The following NAP1L1 variants were observed in gnomAD, a reference collection of about 807,000 sequenced individuals.
The protein encoded by NAP1L1 is nucleosome assembly protein 1-like 1.
In NAP1L1, 9 loss-of-function variants were observed where a neutral mutation model predicts 58.9. The observed-to-expected ratio is 0.15, with a 90% CI of 0.09 to 0.27. The LOEUF (loss-of-function observed/expected upper bound fraction) is 0.27, where lower values mean the gene tolerates loss of function less well. Ranked by LOEUF, NAP1L1 falls within the 10% of genes least tolerant of loss-of-function variation. The pLI, the probability that NAP1L1 is intolerant of heterozygous loss-of-function variation, is 1.00. For synonymous variants in NAP1L1, 130 were observed against 138.3 expected (o/e 0.94, Z 0.42); for missense variants, 302 against 458.8 (o/e 0.66, Z 3.12).
chr12:76,076,571 TA>T (rs1950187402), intron 1 of NAP1L1, among the ~76,000 whole-genome samples: 1 of 125,676 alleles, frequency 8.0e-6, no homozygotes, highest in African/African-American at 3.0e-5. Flanking sequence ...TATATATATA[TA>T]TATATATATA....
At chr12:76,049,360 T>C (rs1367430805) in intron 13 of NAP1L1, 110 bp from the exon 14 acceptor site, 10 of 1,584,044 alleles carry the variant, frequency 6.3e-6, no homozygotes, top group Non-Finnish European at 8.6e-6. Flanking sequence ...CAGATTTTCA[T>C]GATTACAGAC....
intron 1 of NAP1L1, among the ~76,000 whole-genome samples, chr12:76,081,097 A>C (rs1950389195): frequency 6.6e-6 from 1 of 151,634 alleles, no homozygotes; most frequent in South Asian, 2.1e-4. Flanking sequence ...TAAATAAATT[A>C]CTCAGTTTCA....
chr12:76,064,325 A>G (rs1315844926), intron 4 of NAP1L1, among the ~76,000 whole-genome samples: 1 of 152,246 alleles, frequency 6.6e-6, no homozygotes, highest in African/African-American at 2.4e-5. Context: ...AAATGACAGA[A>G]AAAACTGTCA....
At chr12:76,070,736 A>G (rs966913044) in intron 2 of NAP1L1, among the ~76,000 whole-genome samples, 3 of 152,216 alleles carry the variant, frequency 2.0e-5, no homozygotes, top group African/African-American at 7.2e-5. Context: ...CCTCCCTACC[A>G]AAATCCTGGG....
chr12:76,073,170 C>T (rs1018107647), intron 2 of NAP1L1, among the ~76,000 whole-genome samples: 5 of 151,748 alleles, frequency 3.3e-5, no homozygotes, highest in Non-Finnish European at 7.4e-5. Context: ...TTTTTTAATG[C>T]TGAAGATAAA....
intron 3 of NAP1L1, 120 bp downstream of exon 3, chr12:76,068,789 G>T: frequency 1.2e-5 from 7 of 565,350 alleles, no homozygotes; most frequent in South Asian, 3.7e-5. Flanking sequence ...CTAGAAGTAT[G>T]GACCAGTAGA....
At chr12:76,063,318 C>A (rs1228972551) in intron 4 of NAP1L1, among the ~76,000 whole-genome samples, 1 of 151,998 alleles carries the variant, frequency 6.6e-6, no homozygotes, top group Non-Finnish European at 1.5e-5. Context: ...AGGTTATAAG[C>A]CACTACCATA....
chr12:76,057,374 C>T (rs1324537837), intron 6 of NAP1L1: 1 of 417,304 alleles, frequency 2.4e-6, no homozygotes. Context: ...AGTTCATCTG[C>T]ATTATCATTC....
chr12:76,060,219 T>G lies in NAP1L1; in HGVS notation c.267A>C (p.Ala89=). 1 of 1,613,890 alleles carries G rather than the reference T, an allele frequency of 6.2e-7. No homozygotes were observed. The highest frequency in any genetic ancestry group is 1.1e-5 in the South Asian group (1 of 91,076). Residue 89 remains alanine, a synonymous_variant, in exon 5 of 15, where the codon GCA becomes GCC. Transcript: ENST00000618691. ...CCTCATAGAATTTGGCTTCTATCTG[T>G]GCACATTTAACTTGCAGGTTTTTGA... ...NALKNLQVKC[A]QIEAKFYEEV... is the part of the protein sequence containing the mutation.
rs2091390737 is a variant in NAP1L1, at chr12:76,037,551, C to T, written c.*10878G>A. On this transcript the variant is annotated 3_prime_UTR_variant, in exon 15 of 15. Coordinates refer to ENST00000618691, the MANE Select transcript of NAP1L1 (RefSeq NM_004537.7). ...ATGACAGAAAACTTCTATTCGCCTC[C>T]AATTGTATACATTCCAATTCCTTAC... 1 of 152,178 alleles carries T rather than the reference C, an allele frequency of 6.6e-6. No homozygotes were observed. Among genetic ancestry groups the T allele is most frequent in the Admixed American group, 6.5e-5 (1 of 15,282 alleles). The allele number at this position is 152,178 out of a possible 1,614,324, so 9.4% of individuals were successfully genotyped here.
chr12:76,083,473 CA>C (rs34033928), intron 1 of NAP1L1, among the ~76,000 whole-genome samples: 28,195 of 87,482 alleles, frequency 0.32, 1,440 homozygotes, highest in East Asian at 0.37. Context: ...CTTTTTTTTC[CA>C]AAAAAAAAAA....
At chr12:76,067,494 C>A (rs377483941) in intron 3 of NAP1L1, 21 bp from the exon 4 acceptor site, 5 of 1,532,046 alleles carry the variant, frequency 3.3e-6, no homozygotes, top group African/African-American at 1.4e-5. Flanking sequence ...AAAAGGGCAT[C>A]GAAAGAAGGA....
chr12:76,074,553 T>A (rs1950103036), intron 1 of NAP1L1, among the ~76,000 whole-genome samples: 1 of 152,204 alleles, frequency 6.6e-6, no homozygotes, highest in African/African-American at 2.4e-5. Flanking sequence ...GCTAGAATCA[T>A]AGGAAAGGAA....
chr12:76,061,593 C>T (rs1160524450), intron 4 of NAP1L1, among the ~76,000 whole-genome samples: 1 of 152,148 alleles, frequency 6.6e-6, no homozygotes, highest in East Asian at 1.9e-4. Flanking sequence ...AGGTTATACA[C>T]ACTAGGTTAT....
chr12:76,061,946 C>G (rs1395392087), intron 4 of NAP1L1, among the ~76,000 whole-genome samples: 1 of 152,164 alleles, frequency 6.6e-6, no homozygotes, highest in Non-Finnish European at 1.5e-5. Flanking sequence ...ACTACTGAGG[C>G]ACACACACAC....
In NAP1L1 at chr12:76,046,415, G is replaced by T. The variant is rs1378680031; in HGVS notation, c.*2014C>A. 6.6e-6 allele frequency: 1 copy of T among 151,940 alleles called. No homozygotes were observed. The highest frequency in any genetic ancestry group is 1.5e-5 in the Non-Finnish European group (1 of 67,822). 9.4% of individuals were successfully genotyped at this position (151,940 alleles called of 1,614,324 possible). ...CCTAAAGAATGAAAAAGATGATTTT[G>T]CTACTTCAGTTCATTAAAAATGGGA... On this transcript the variant is annotated 3_prime_UTR_variant, in exon 15 of 15. Transcript: ENST00000618691.
intron 4 of NAP1L1, 60 bp from the exon 5 acceptor site, chr12:76,060,339 G>A: frequency 1.3e-6 from 2 of 1,538,802 alleles, no homozygotes; most frequent in South Asian, 1.2e-5. Flanking sequence ...CACTTCTTTT[G>A]TCATACTGAA....
At chr12:76,068,340 T>A (rs1345596523) in intron 3 of NAP1L1, among the ~76,000 whole-genome samples, 5 of 152,140 alleles carry the variant, frequency 3.3e-5, no homozygotes, top group African/African-American at 1.2e-4. Context: ...CTTTTCACAA[T>A]TAACTTCCAT....
At position 76,044,174 on chromosome 12, in the gene NAP1L1, C is replaced by G. The variant is rs1323108909; in HGVS notation, c.*4255G>C. ...AAAATCAGCTGGGCTCAGTGGCACA[C>G]GCCTGTAATCCCGACTACTTGGAAT... On this transcript the variant is annotated 3_prime_UTR_variant, in exon 15 of 15. Transcript: ENST00000618691. 1 of 152,332 alleles carries G rather than the reference C, an allele frequency of 6.6e-6. No individual in the cohort carries two copies. Among genetic ancestry groups the G allele is most frequent in the East Asian group, 1.9e-4 (1 of 5,166 alleles). 9.4% of individuals were successfully genotyped at this position (152,332 alleles called of 1,614,324 possible). A position where few individuals can be genotyped will look rare whatever the true frequency, so the allele number is the denominator to read the frequency against.
Sources: allele counts gnomAD v4.1 joint callset (sites outside exome capture counted in the v4.1 genomes callset), GRCh38; gene constraint gnomAD v4.1.1; transcripts MANE v1.5; gene names NCBI Gene and HGNC (gene_info 2026-07-23, HGNC 2026-07-21).